Variants in PPARGC1A observed in about 807,000 individuals in gnomAD.
PPARGC1A encodes the protein peroxisome proliferator-activated receptor gamma coactivator 1-alpha.
In PPARGC1A, 25 loss-of-function variants were observed where a neutral mutation model predicts 88.7. That is an observed-to-expected ratio of 0.28 (90% confidence interval 0.21 to 0.39). The LOEUF is 0.39. Ranked by LOEUF, PPARGC1A falls within the 10% of genes least tolerant of loss-of-function variation. The pLI is 1.00. For missense variants in PPARGC1A, 880 were observed against 968.7 expected (o/e 0.91, Z 1.22); for synonymous variants, 363 against 355.6 (o/e 1.02, Z -0.24).
chr4:24,175,090 T>C, the PPARGC1A span, among the ~76,000 whole-genome samples: 5 of 152,344 alleles, frequency 3.3e-5, no homozygotes, highest in Admixed American at 3.3e-4. Flanking sequence ...GGCCTCGCGA[T>C]ATATATCATT....
chr4:24,435,106 C>G, the PPARGC1A span, among the ~76,000 whole-genome samples: 2 of 152,188 alleles, frequency 1.3e-5, no homozygotes, highest in African/African-American at 2.4e-5. Flanking sequence ...CCTCTTTCTT[C>G]ACGCTGTTGG....
the PPARGC1A span, among the ~76,000 whole-genome samples, chr4:24,349,912 G>A: frequency 5.9e-5 from 9 of 152,170 alleles, no homozygotes; most frequent in African/African-American, 1.4e-4. Flanking sequence ...CCACCCTCCC[G>A]ATGGATCCCT....
At chr4:23,796,127 G>A (rs1412795740) in intron 12 of PPARGC1A, among the ~76,000 whole-genome samples, 3 of 152,038 alleles carry the variant, frequency 2.0e-5, no homozygotes, top group African/African-American at 4.8e-5. Flanking sequence ...CGCACCTGTT[G>A]ACTCGTTTAG....
At chr4:24,440,756 T>C in the PPARGC1A span, among the ~76,000 whole-genome samples, 112 of 152,162 alleles carry the variant, frequency 7.4e-4, no homozygotes, top group African/African-American at 2.6e-3. Flanking sequence ...GAGCAGAGAT[T>C]GCACCACTGC....
At chr4:23,903,113 C>A (rs141145245), upstream of PPARGC1A, among the ~76,000 whole-genome samples, 1,686 of 152,202 alleles carry the variant, frequency 0.011, 21 homozygotes, top group South Asian at 0.02. Flanking sequence ...ATAGGAAAAT[C>A]CTACACTGGG....
the PPARGC1A span, among the ~76,000 whole-genome samples, chr4:24,370,986 T>A: frequency 1.3e-5 from 2 of 151,998 alleles, no homozygotes; most frequent in African/African-American, 2.4e-5. Flanking sequence ...TGTGTCCATG[T>A]GTTCTCATTG....
chr4:24,133,636 C>A, the PPARGC1A span, among the ~76,000 whole-genome samples: 1 of 152,144 alleles, frequency 6.6e-6, no homozygotes, highest in Non-Finnish European at 1.5e-5. Context: ...AATTGTACGT[C>A]CCTCCCTAGA....
intron 2 of PPARGC1A, among the ~76,000 whole-genome samples, chr4:23,857,874 C>A (rs1467557681): frequency 2.0e-5 from 3 of 151,610 alleles, no homozygotes; most frequent in African/African-American, 7.3e-5. Flanking sequence ...TAGTTCAACA[C>A]CCTCTCATCA....
At chr4:24,432,614 A>T in the PPARGC1A span, among the ~76,000 whole-genome samples, 1 of 152,226 alleles carries the variant, frequency 6.6e-6, no homozygotes, top group Non-Finnish European at 1.5e-5. Flanking sequence ...GTGCCCTGGA[A>T]GAAAGCCTCC....
the PPARGC1A span, among the ~76,000 whole-genome samples, chr4:23,913,277 G>T: frequency 0.086 from 8,205 of 95,048 alleles, 221 homozygotes; most frequent in East Asian, 0.12. Flanking sequence ...TAGAGAGAGA[G>T]AGAGAGAGAG....
chr4:24,172,773 C>T, the PPARGC1A span, among the ~76,000 whole-genome samples: 14 of 152,300 alleles, frequency 9.2e-5, no homozygotes, highest in African/African-American at 2.6e-4. Flanking sequence ...AATGCAAACA[C>T]GGCACTTTAC....
At chr4:24,076,053 A>G in the PPARGC1A span, among the ~76,000 whole-genome samples, 1 of 152,122 alleles carries the variant, frequency 6.6e-6, no homozygotes, top group African/African-American at 2.4e-5. Context: ...TAACATTACA[A>G]ATATGTTCAA....
chr4:23,984,963 A>G, the PPARGC1A span, among the ~76,000 whole-genome samples: 1 of 152,084 alleles, frequency 6.6e-6, no homozygotes, highest in Non-Finnish European at 1.5e-5. Context: ...TGTCGGACGA[A>G]CCCACTATAC....
the PPARGC1A span, among the ~76,000 whole-genome samples, chr4:23,974,621 CTG>C: frequency 7.9e-5 from 12 of 151,278 alleles, no homozygotes; most frequent in Admixed American, 5.9e-4. Context: ...CTGTCAGTGT[CTG>C]TTTTTTGTTG....
chr4:24,420,556 G>A, the PPARGC1A span, among the ~76,000 whole-genome samples: 1 of 152,096 alleles, frequency 6.6e-6, no homozygotes, highest in African/African-American at 2.4e-5. Context: ...ACTCCCGGCT[G>A]GGATTCCAAG....
At chr4:24,470,145 G>C in the PPARGC1A span, among the ~76,000 whole-genome samples, 1 of 152,080 alleles carries the variant, frequency 6.6e-6, no homozygotes, top group Non-Finnish European at 1.5e-5. This position sits in a 1 kb window ranked among gnomAD's most constrained non-coding sequence, Gnocchi z 5.8. Flanking sequence ...CTCCAGGACT[G>C]GGGGGCGCGG....
the PPARGC1A span, among the ~76,000 whole-genome samples, chr4:24,270,870 A>C: frequency 2.0e-5 from 3 of 152,174 alleles, no homozygotes; most frequent in Non-Finnish European, 4.4e-5. Flanking sequence ...TAACCTTTGG[A>C]TTATCTTTAA....
At chr4:23,874,447 C>T (rs1392502736) in intron 2 of PPARGC1A, among the ~76,000 whole-genome samples, 1 of 152,092 alleles carries the variant, frequency 6.6e-6, no homozygotes, top group East Asian at 1.9e-4. Context: ...AGATATGTGA[C>T]TCTTGGGAAC....
the PPARGC1A span, among the ~76,000 whole-genome samples, chr4:24,268,437 G>GT: frequency 6.6e-6 from 1 of 152,150 alleles, no homozygotes; most frequent in African/African-American, 2.4e-5. Context: ...GGCTAATAAC[G>GT]TGAGTGGAGA....
Sources: allele counts gnomAD v4.1 joint callset (sites outside exome capture counted in the v4.1 genomes callset), GRCh38; gene constraint gnomAD v4.1.1; non-coding constraint Gnocchi (gnomAD v3.1); transcripts MANE v1.5; gene names NCBI Gene and HGNC (gene_info 2026-07-23, HGNC 2026-07-21).